The following CDC42SE2 variants were observed in gnomAD, a reference collection of about 807,000 sequenced individuals.
CDC42SE2 encodes the protein CDC42 small effector 2.
CDC42SE2 carries 3 observed loss-of-function variants against 11.5 expected under a neutral mutation model. The ratio of observed to expected loss-of-function variants is 0.26; its 90% confidence interval spans 0.12 to 0.67. CDC42SE2 has a LOEUF of 0.67. CDC42SE2 is among the 30% of genes least tolerant of loss of function. CDC42SE2 has a pLI of 0.80. For missense variants in CDC42SE2, 82 were observed against 106.8 expected, an observed-to-expected ratio of 0.77 and a Z score of 1.02; for synonymous variants, 33 against 34.8, an observed-to-expected ratio of 0.95 and a Z score of 0.18.
chr5:131,278,812 A>T (rs1757168773), intron 1 of CDC42SE2, among the ~76,000 whole-genome samples: 1 of 89,744 alleles, frequency 1.1e-5, no homozygotes. Context: ...TTAAAGACAG[A>T]GTCTGTTTGT....
chr5:131,335,382 TC>T (rs202129667), intron 2 of CDC42SE2, among the ~76,000 whole-genome samples: 5,334 of 152,320 alleles, frequency 0.035, 312 homozygotes, highest in African/African-American at 0.12. Context: ...GTGCTTTACT[TC>T]CAAGTATGTG....
chr5:131,336,058 T>C (rs997611514), intron 2 of CDC42SE2, among the ~76,000 whole-genome samples: 3 of 152,244 alleles, frequency 2.0e-5, no homozygotes, highest in Non-Finnish European at 2.9e-5. Flanking sequence ...AGTTTCTTCC[T>C]AGCCTTGATG....
chr5:131,353,795 G>A (rs1284989910), intron 2 of CDC42SE2, among the ~76,000 whole-genome samples: 1 of 151,962 alleles, frequency 6.6e-6, no homozygotes, highest in Non-Finnish European at 1.5e-5. Context: ...TATAGTCACA[G>A]CATGTACTCA....
intron 4 of CDC42SE2, among the ~76,000 whole-genome samples, chr5:131,385,918 T>A (rs1420546684): frequency 6.6e-6 from 1 of 152,244 alleles, no homozygotes; most frequent in Non-Finnish European, 1.5e-5. Context: ...TTGAAAGGAT[T>A]TGAGTTCAGA....
At chr5:131,250,809 G>A (rs1756633057) in intron 1 of CDC42SE2, among the ~76,000 whole-genome samples, 1 of 152,172 alleles carries the variant, frequency 6.6e-6, no homozygotes, top group South Asian at 2.1e-4. Context: ...GGAGGTTGAG[G>A]TAGGAGGATT....
At chr5:131,297,047 G>A (rs1757583287) in intron 1 of CDC42SE2, among the ~76,000 whole-genome samples, 1 of 151,932 alleles carries the variant, frequency 6.6e-6, no homozygotes, top group South Asian at 2.1e-4. Context: ...TAAAAGTATG[G>A]AGATATAAAT....
intron 2 of CDC42SE2, among the ~76,000 whole-genome samples, chr5:131,329,341 TG>T (rs1758363086): frequency 6.6e-6 from 1 of 152,198 alleles, no homozygotes; most frequent in Admixed American, 6.5e-5. Context: ...TGTTCCCTTT[TG>T]TTGTTGCTGC....
At chr5:131,379,647 G>A (rs2149785424) in intron 3 of CDC42SE2, among the ~76,000 whole-genome samples, 1 of 152,174 alleles carries the variant, frequency 6.6e-6, no homozygotes, top group East Asian at 1.9e-4. Context: ...GAGACATTTT[G>A]CCTAATGTCC....
chr5:131,255,890 CTTA>C (rs910385889), intron 2 of CDC42SE2, among the ~76,000 whole-genome samples: 3 of 152,126 alleles, frequency 2.0e-5, no homozygotes, highest in Non-Finnish European at 4.4e-5. Context: ...CTTGCCAAAT[CTTA>C]TTAGGTAATT....
intron 2 of CDC42SE2, among the ~76,000 whole-genome samples, chr5:131,348,557 C>T (rs1281086025): frequency 6.6e-6 from 1 of 152,118 alleles, no homozygotes; most frequent in Non-Finnish European, 1.5e-5. Flanking sequence ...ATGAAAATGG[C>T]CGTACTGCCC....
intron 3 of CDC42SE2, among the ~76,000 whole-genome samples, chr5:131,384,594 T>C (rs1676167717): frequency 6.6e-6 from 1 of 152,020 alleles, no homozygotes; most frequent in Non-Finnish European, 1.5e-5. Context: ...ATCTAAGGGA[T>C]CATGGAAAAC....
chr5:131,263,856 TC>T (rs935354360), upstream of CDC42SE2: 2 of 152,090 alleles, frequency 1.3e-5, no homozygotes, highest in Non-Finnish European at 2.9e-5. Flanking sequence ...GCGGCTCGAA[TC>T]CCGGGGGTCC....
At chr5:131,358,925 T>A (rs1030372553) in intron 2 of CDC42SE2, among the ~76,000 whole-genome samples, 3 of 152,232 alleles carry the variant, frequency 2.0e-5, no homozygotes, top group Admixed American at 6.5e-5. Flanking sequence ...ATGTTCTAAT[T>A]AGTGATTTTT....
intron 1 of CDC42SE2, among the ~76,000 whole-genome samples, chr5:131,264,622 T>C (rs1756817334): frequency 6.6e-6 from 1 of 152,176 alleles, no homozygotes; most frequent in Non-Finnish European, 1.5e-5. Context: ...GCTCCGACTC[T>C]TCGCCTGAGG....
At chr5:131,331,066 T>G (rs1396233490) in intron 2 of CDC42SE2, among the ~76,000 whole-genome samples, 1 of 152,044 alleles carries the variant, frequency 6.6e-6, no homozygotes, top group Non-Finnish European at 1.5e-5. Flanking sequence ...TCAGTAGCAC[T>G]GAGGTTGAGA....
the CDC42SE2 span, among the ~76,000 whole-genome samples, chr5:131,231,863 C>A: frequency 5.3e-5 from 8 of 151,944 alleles, no homozygotes; most frequent in African/African-American, 1.9e-4. Context: ...ACGATCTCCA[C>A]TCACTGCAAC....
chr5:131,347,134 A>G (rs1392316996), intron 2 of CDC42SE2, among the ~76,000 whole-genome samples: 1 of 152,222 alleles, frequency 6.6e-6, no homozygotes, highest in Non-Finnish European at 1.5e-5. Context: ...AGAAGGCAAG[A>G]AATAACTAAG....
chr5:131,391,177 G>GTA lies in CDC42SE2; in HGVS notation c.*97_*98dup, dbSNP rs756913311. 5.9e-4 allele frequency: 311 copies of GTA among 528,708 alleles called. 1 individual carries two copies. The highest frequency in any genetic ancestry group is 3.0e-3 in the South Asian group (60 of 20,158). The allele number at this position is 528,708 out of a possible 1,614,324, so 32.8% of individuals were successfully genotyped here. ...GCCAGGCCAATAATAGTAAATATAT[G>GTA]TATATATATATAATTTTTTAATGGT... is the stretch of plus-strand genomic sequence containing the variant. On this transcript the variant is annotated 3_prime_UTR_variant, in exon 5 of 5. Coordinates refer to ENST00000505065, the MANE Select transcript of CDC42SE2 (RefSeq NM_001375635.1).
chr5:131,391,265 TTTAGGTTCTTTTCCTTA>T lies in CDC42SE2; in HGVS notation c.*178_*194del. On this transcript the variant is annotated 3_prime_UTR_variant, in exon 5 of 5. Transcript: ENST00000505065. ...TAGTTTCTGCACTTGGAATGTAAGT[TTTAGGTTCTTTTCCTTA>T]TTAAGAACTTTAAATACTTTAAAAC... 1 of 269,722 alleles carries T rather than the reference TTTAGGTTCTTTTCCTTA, an allele frequency of 3.7e-6. No individual in the cohort carries two copies. Among genetic ancestry groups the T allele is most frequent in the East Asian group, 6.6e-5 (1 of 15,236 alleles). 16.7% of individuals were successfully genotyped at this position (269,722 alleles called of 1,614,324 possible).
Sources: gnomAD v4.1 joint callset for allele counts (sites outside exome capture counted in the v4.1 genomes callset) on GRCh38, gnomAD v4.1.1 for gene constraint, MANE v1.5 for transcripts, NCBI Gene and HGNC (gene_info 2026-07-23, HGNC 2026-07-21) for gene names.